The following DCLK2 variants were observed in gnomAD, a reference collection of about 807,000 sequenced individuals.
DCLK2 encodes doublecortin like kinase 2, also known as serine/threonine-protein kinase DCLK2.
Under a neutral mutation model 78.4 loss-of-function variants are expected in DCLK2, and 31 were observed. The ratio of observed to expected loss-of-function variants is 0.40; its 90% confidence interval spans 0.30 to 0.53. The LOEUF (loss-of-function observed/expected upper bound fraction) is 0.53, where lower values mean the gene tolerates loss of function less well. Among genes scored for constraint, DCLK2 ranks in the 20% least tolerant of loss-of-function variants. The pLI is 0.61. For synonymous variants in DCLK2, 407 were observed against 374.9 expected (o/e 1.09, Z -0.99); for missense variants, 872 against 973.7 (o/e 0.90, Z 1.39).
intron 8 of DCLK2, among the ~76,000 whole-genome samples, chr4:150,227,838 G>T: frequency 6.6e-6 from 1 of 152,178 alleles, no homozygotes. Context: ...GCCCAGGCAG[G>T]ACATAAATCC....
intron 2 of DCLK2, among the ~76,000 whole-genome samples, chr4:150,154,616 T>C (rs1012716818): frequency 1.3e-5 from 2 of 152,230 alleles, no homozygotes; most frequent in Non-Finnish European, 2.9e-5. Context: ...TATTACCATG[T>C]GCCTTTAAAC....
chr4:150,256,240 G>T lies in DCLK2; in HGVS notation c.2294G>T (p.Arg765Leu). ...GERAGTWRRH[R>L]D ...CGGGCAGGAACCTGGCGCCGCCACC[G>T]AGACTGAGCCTCCTGCAGACGGGCG... Residue 765 changes from arginine (R) to leucine (L), a missense_variant, in exon 16 of 16, where the codon CGA (arginine) becomes CTA (leucine). Coordinates refer to ENST00000296550, the MANE Select transcript of DCLK2 (RefSeq NM_001040260.4). 3 of 1,457,148 alleles carry T rather than the reference G, an allele frequency of 2.1e-6. No homozygotes were observed. The highest frequency in any genetic ancestry group is 2.7e-6 in the Non-Finnish European group (3 of 1,098,780). 90.3% of individuals were successfully genotyped at this position (1,457,148 alleles called of 1,614,324 possible). A position where few individuals can be genotyped will look rare whatever the true frequency, so the allele number is the denominator to read the frequency against.
At position 150,256,239 on chromosome 4, in the gene DCLK2, C is replaced by T. The variant is rs759203165; in HGVS notation, c.2293C>T (p.Arg765Ter). ...GERAGTWRRH[R>*]D The stretch of plus-strand genomic sequence containing the variant: ...GCGGGCAGGAACCTGGCGCCGCCAC[C>T]GAGACTGAGCCTCCTGCAGACGGGC... Residue 765 changes from arginine to a stop codon, truncating the protein, a stop_gained, in exon 16 of 16, where the codon CGA (arginine) becomes TGA (stop). Coordinates refer to ENST00000296550, the MANE Select transcript of DCLK2 (RefSeq NM_001040260.4). LOFTEE classifies it high-confidence loss of function. The T allele has an allele frequency of 9.8e-6, 15 of 1,523,602 alleles. No individual in the cohort carries two copies. The highest frequency in any genetic ancestry group is 1.4e-5 in the African/African-American group (1 of 72,096). 94.4% of individuals were successfully genotyped at this position (1,523,602 alleles called of 1,614,324 possible).
At chr4:150,168,205 T>A (rs1167545154) in intron 2 of DCLK2, among the ~76,000 whole-genome samples, 3 of 151,868 alleles carry the variant, frequency 2.0e-5, no homozygotes, top group Non-Finnish European at 4.4e-5. Flanking sequence ...TAGCTGGGCG[T>A]GGTGGCAGGC....
At chr4:150,197,623 T>TG (rs1343260249) in intron 3 of DCLK2, among the ~76,000 whole-genome samples, 3 of 151,910 alleles carry the variant, frequency 2.0e-5, no homozygotes, top group Admixed American at 2.0e-4. Flanking sequence ...GGCATGGTGG[T>TG]GGGCACCTGT....
At chr4:150,203,942 A>G (rs1466405107) in intron 5 of DCLK2, 53 bp downstream of exon 5, 2 of 1,524,212 alleles carry the variant, frequency 1.3e-6, no homozygotes, top group Non-Finnish European at 1.8e-6. Context: ...TTAGAGTTTC[A>G]TAGTTTAGCA....
At chr4:150,233,845 CA>C (rs1405019765) in intron 10 of DCLK2, among the ~76,000 whole-genome samples, 1 of 152,158 alleles carries the variant, frequency 6.6e-6, no homozygotes, top group African/African-American at 2.4e-5. Context: ...GATAACTAGA[CA>C]CAGCTTGCTA....
At chr4:150,236,227 G>A (rs1328604378) in intron 10 of DCLK2, among the ~76,000 whole-genome samples, 1 of 152,202 alleles carries the variant, frequency 6.6e-6, no homozygotes, top group Admixed American at 6.5e-5. Flanking sequence ...CAGGGCTAGA[G>A]TTCTCACAGT....
At chr4:150,253,778 G>A in intron 15 of DCLK2, 1 of 985,414 alleles carries the variant, frequency 1.0e-6, no homozygotes, top group African/African-American at 1.7e-5. Context: ...CAGACCAACA[G>A]CTGGTGAGAG....
At chr4:150,162,279 A>G (rs1193891746) in intron 2 of DCLK2, among the ~76,000 whole-genome samples, 2 of 151,764 alleles carry the variant, frequency 1.3e-5, no homozygotes, top group Non-Finnish European at 2.9e-5. Flanking sequence ...CAGTCCTCCA[A>G]CCTCGGCCTC....
At chr4:150,211,131 G>A (rs1261258079) in intron 5 of DCLK2, among the ~76,000 whole-genome samples, 1 of 152,186 alleles carries the variant, frequency 6.6e-6, no homozygotes, top group East Asian at 1.9e-4. Context: ...TCCCAGGGCT[G>A]TAGCCGCCTG....
chr4:150,240,010 TAAGA>T (rs1442005669), intron 11 of DCLK2, 135 bp downstream of exon 11: 6 of 998,912 alleles, frequency 6.0e-6, no homozygotes, highest in Non-Finnish European at 8.7e-6. Flanking sequence ...ATACAGTTGG[TAAGA>T]AAGGTCTGTT....
intron 2 of DCLK2, among the ~76,000 whole-genome samples, chr4:150,105,955 A>G (rs1161305957): frequency 6.6e-6 from 1 of 152,074 alleles, no homozygotes; most frequent in Non-Finnish European, 1.5e-5. Context: ...ATCCACTACT[A>G]CTTCCTCATA....
chr4:150,248,348 G>T lies in DCLK2; in HGVS notation c.1919G>T (p.Cys640Phe), dbSNP rs1201235162. The change falls in exon 14 of 16, where the codon TGT (cysteine) becomes TTT (phenylalanine). Residue 640 changes from cysteine (C) to phenylalanine (F), a missense_variant. Cys to Phe is a radical substitution (Grantham distance 205). Transcript: ENST00000296550. ...QMLQVNVEAR[C>F]TAGQILSHPW... ...CTTCAGGTAAATGTTGAAGCTCGGT[G>T]TACCGCGGGACAAATCCTGAGTCAC... The T allele has an allele frequency of 6.8e-6, 11 of 1,613,964 alleles. No homozygotes were observed. The highest frequency in any genetic ancestry group is 5.5e-5 in the South Asian group (5 of 91,074).
chr4:150,205,124 A>AT (rs928535894), intron 5 of DCLK2, among the ~76,000 whole-genome samples: 14 of 151,830 alleles, frequency 9.2e-5, no homozygotes, highest in East Asian at 3.9e-4. Context: ...ATGTTGAAGA[A>AT]TTTTTTTTTA....
At chr4:150,170,433 T>A (rs1473729062) in intron 2 of DCLK2, among the ~76,000 whole-genome samples, 4 of 152,084 alleles carry the variant, frequency 2.6e-5, no homozygotes, top group African/African-American at 9.7e-5. Context: ...GGAAAAGCAG[T>A]AGAAGTGTTT....
chr4:150,162,944 C>T (rs1365869058), intron 2 of DCLK2, among the ~76,000 whole-genome samples: 1 of 152,208 alleles, frequency 6.6e-6, no homozygotes, highest in African/African-American at 2.4e-5. Flanking sequence ...ATTTAGCTTA[C>T]TATTTAATAT....
At chr4:150,125,830 G>T (rs1318360770) in intron 2 of DCLK2, among the ~76,000 whole-genome samples, 1 of 152,042 alleles carries the variant, frequency 6.6e-6, no homozygotes, top group African/African-American at 2.4e-5. Flanking sequence ...GGCGGAGGTT[G>T]CAGTGAGCTG....
intron 10 of DCLK2, among the ~76,000 whole-genome samples, chr4:150,238,046 T>C (rs1453567778): frequency 6.6e-6 from 1 of 152,230 alleles, no homozygotes; most frequent in Non-Finnish European, 1.5e-5. Flanking sequence ...TCTAAAGTTA[T>C]ATTTATCCCG....
Sources: allele counts gnomAD v4.1 joint callset (sites outside exome capture counted in the v4.1 genomes callset), GRCh38; gene constraint gnomAD v4.1.1; transcripts MANE v1.5; gene names NCBI Gene and HGNC (gene_info 2026-07-23, HGNC 2026-07-21).